Variants in SPATA3 observed in about 807,000 individuals in gnomAD.
The protein encoded by SPATA3 is spermatogenesis-associated protein 3.
SPATA3 carries 6 observed loss-of-function variants against 5.7 expected under a neutral mutation model. The ratio of observed to expected loss-of-function variants is 1.06; its 90% confidence interval spans 0.58 to 2.09. The LOEUF is 2.09. SPATA3 is among the 30% of genes most tolerant of loss of function. The pLI is 0.00. For synonymous variants in SPATA3, 44 were observed against 48.4 expected (o/e 0.91, Z 0.37); for missense variants, 155 against 130.4 (o/e 1.19, Z -0.92).
downstream of SPATA3, among the ~76,000 whole-genome samples, chr2:231,009,286 AC>A (rs1318608453): frequency 2.6e-5 from 4 of 151,948 alleles, no homozygotes; most frequent in Admixed American, 2.6e-4. Context: ...CACCACCACC[AC>A]CTCACCAGAA....
At chr2:231,001,462 G>A (rs1574659130) in intron 2 of SPATA3, among the ~76,000 whole-genome samples, 1 of 151,042 alleles carries the variant, frequency 6.6e-6, no homozygotes, top group East Asian at 1.9e-4. Context: ...TCTCCTTTCT[G>A]GAGCTGAAAA....
chr2:231,008,397 A>G (rs1371126562), downstream of SPATA3, among the ~76,000 whole-genome samples: 3 of 152,176 alleles, frequency 2.0e-5, no homozygotes, highest in African/African-American at 7.2e-5. Context: ...TGAGGCATCC[A>G]CAGACCCATG....
At chr2:230,998,184 C>A (rs1224320442) in intron 1 of SPATA3, among the ~76,000 whole-genome samples, 1 of 152,094 alleles carries the variant, frequency 6.6e-6, no homozygotes, top group African/African-American at 2.4e-5. Flanking sequence ...CCACAGTTTA[C>A]CCCCCGGGAT....
At chr2:231,018,750 A>G (rs145425190) in intron 6 of SPATA3, among the ~76,000 whole-genome samples, 8,824 of 151,780 alleles carry the variant, frequency 0.058, 585 homozygotes, top group African/African-American at 0.16. Flanking sequence ...CAGTGGCATA[A>G]TCTCAGCTCA....
chr2:230,997,610 T>G (rs1338781700), intron 1 of SPATA3, among the ~76,000 whole-genome samples: 1 of 152,234 alleles, frequency 6.6e-6, no homozygotes, highest in Non-Finnish European at 1.5e-5. Flanking sequence ...ATGGAAGACA[T>G]TAGTGACAGA....
intron 1 of SPATA3, chr2:230,996,356 T>TCCTGAATCCACACCACAGCAGCCTAGC: frequency 1.2e-5 from 7 of 571,920 alleles, no homozygotes; most frequent in Middle Eastern, 3.6e-4. Flanking sequence ...AGCAGCCTAG[T>TCCTGAATCCACACCACAGCAGCCTAGC]CCTGAATCCA....
downstream of SPATA3, among the ~76,000 whole-genome samples, chr2:231,005,133 TCAC>T (rs150496674): frequency 0.51 from 47,233 of 92,048 alleles, 8,441 homozygotes; most frequent in East Asian, 0.59. Context: ...ACCATCATCA[TCAC>T]CACCACCACC....
At chr2:231,014,051 TG>T (rs1170336003) in exon 6 of SPATA3, 1 of 152,090 alleles carries the variant, frequency 6.6e-6, no homozygotes, top group Non-Finnish European at 1.5e-5. Flanking sequence ...AAGCCAAACT[TG>T]CTGGGTTACA....
downstream of SPATA3, among the ~76,000 whole-genome samples, chr2:231,008,599 G>T (rs1011718132): frequency 7.9e-5 from 12 of 151,974 alleles, no homozygotes; most frequent in Non-Finnish European, 1.2e-4. Context: ...GTTGCGTGGG[G>T]TCGTGTTGTG....
intron 6 of SPATA3, among the ~76,000 whole-genome samples, chr2:231,014,578 T>C (rs1184344981): frequency 2.6e-5 from 4 of 152,144 alleles, no homozygotes; most frequent in Non-Finnish European, 5.9e-5. Context: ...GGACGGAAGC[T>C]GCCCATCTGG....
intron 6 of SPATA3, among the ~76,000 whole-genome samples, chr2:231,019,357 A>T (rs1286856300): frequency 9.8e-4 from 125 of 128,168 alleles, no homozygotes; most frequent in African/African-American, 2.7e-3. Context: ...AGAGTCTTGC[A>T]CTGTTGCCCA....
downstream of SPATA3, among the ~76,000 whole-genome samples, chr2:231,009,419 T>C (rs1692724097): frequency 6.6e-6 from 1 of 152,124 alleles, no homozygotes; most frequent in South Asian, 2.1e-4. Flanking sequence ...CCCGGGGAAA[T>C]GTGTGGGGCG....
intron 1 of SPATA3, chr2:230,999,799 G>C (rs1692276183): frequency 5.9e-6 from 1 of 169,148 alleles, no homozygotes; most frequent in South Asian, 2.0e-4. Flanking sequence ...TGTCAGTGCA[G>C]CCTCTCCTGA....
chr2:231,005,295 T>C (rs1470981396), downstream of SPATA3, among the ~76,000 whole-genome samples: 29 of 48,434 alleles, frequency 6.0e-4, no homozygotes, highest in Admixed American at 1.3e-3. Flanking sequence ...ATCATCACCA[T>C]CACCACCACC....
intron 6 of SPATA3, among the ~76,000 whole-genome samples, chr2:231,017,198 T>C (rs1422555878): frequency 6.6e-6 from 1 of 152,146 alleles, no homozygotes; most frequent in African/African-American, 2.4e-5. Flanking sequence ...GCTTAGACAA[T>C]AGGGGAACTT....
chr2:231,011,072 C>CA (rs556496371), downstream of SPATA3, among the ~76,000 whole-genome samples: 34,911 of 79,796 alleles, frequency 0.44, 7,465 homozygotes, highest in Non-Finnish European at 0.45. Flanking sequence ...GACCCTGTCT[C>CA]AAAAAAAAAA....
chr2:231,017,636 G>A (rs561444534), intron 6 of SPATA3, among the ~76,000 whole-genome samples: 9 of 152,278 alleles, frequency 5.9e-5, no homozygotes, highest in African/African-American at 1.9e-4. Flanking sequence ...CAGAATATCC[G>A]AATGAAAATT....
chr2:230,998,959 T>C (rs1432826750), intron 1 of SPATA3, among the ~76,000 whole-genome samples: 1 of 152,208 alleles, frequency 6.6e-6, no homozygotes, highest in East Asian at 1.9e-4. Flanking sequence ...CAGCAGCATT[T>C]GTAATAGCCA....
At chr2:231,004,288 C>T (rs968824781), downstream of SPATA3, among the ~76,000 whole-genome samples, 2 of 152,088 alleles carry the variant, frequency 1.3e-5, no homozygotes, top group African/African-American at 4.8e-5. Context: ...ATGACAGTAC[C>T]TTCCTCTTGA....
Sources: allele counts gnomAD v4.1 joint callset (sites outside exome capture counted in the v4.1 genomes callset), GRCh38; gene constraint gnomAD v4.1.1; transcripts MANE v1.5; gene names NCBI Gene and HGNC (gene_info 2026-07-23, HGNC 2026-07-21).